The following AGBL1 variants were observed in gnomAD, a reference collection of about 807,000 sequenced individuals.
The protein encoded by AGBL1 is AGBL carboxypeptidase 1.
AGBL1 carries 130 observed loss-of-function variants against 118.9 expected under a neutral mutation model. That is an observed-to-expected ratio of 1.09 (90% CI 0.95 to 1.26). The LOEUF (loss-of-function observed/expected upper bound fraction) is 1.26. Among genes scored for constraint, AGBL1 ranks in the 50% most tolerant of loss-of-function variants. The pLI is 0.00. For missense variants in AGBL1, 1,584 were observed against 1,298.1 expected, an observed-to-expected ratio of 1.22 and a Z score of -3.38; for synonymous variants, 555 against 478.9, an observed-to-expected ratio of 1.16 and a Z score of -2.08.
intron 21 of AGBL1, among the ~76,000 whole-genome samples, chr15:86,632,126 G>C (rs1222031510): frequency 6.6e-6 from 1 of 151,700 alleles, no homozygotes; most frequent in African/African-American, 2.4e-5. Context: ...AAGTTAACCA[G>C]GTGTGGTGGC....
chr15:86,221,758 T>G (rs1392073732), intron 5 of AGBL1, among the ~76,000 whole-genome samples: 1 of 152,192 alleles, frequency 6.6e-6, no homozygotes, highest in Non-Finnish European at 1.5e-5. Context: ...CAAACTTTTT[T>G]TTTTTTAAGG....
At chr15:86,587,001 A>G (rs1371171888) in intron 21 of AGBL1, among the ~76,000 whole-genome samples, 1 of 152,170 alleles carries the variant, frequency 6.6e-6, no homozygotes, top group Non-Finnish European at 1.5e-5. Flanking sequence ...AGAAAGGCAT[A>G]TGAGGAAGTA....
At chr15:86,250,383 G>A (rs1391962687) in intron 7 of AGBL1, among the ~76,000 whole-genome samples, 4 of 151,432 alleles carry the variant, frequency 2.6e-5, no homozygotes, top group African/African-American at 4.8e-5. Context: ...AAAATTAGCC[G>A]GGCGTGGTAG....
chr15:86,625,576 G>A (rs1341849096), intron 21 of AGBL1, among the ~76,000 whole-genome samples: 1 of 151,722 alleles, frequency 6.6e-6, no homozygotes, highest in Non-Finnish European at 1.5e-5. Flanking sequence ...GACATGATGA[G>A]ATGAAAGACA....
intron 17 of AGBL1, among the ~76,000 whole-genome samples, chr15:86,307,593 G>A (rs978314480): frequency 6.6e-6 from 1 of 152,172 alleles, no homozygotes; most frequent in South Asian, 2.1e-4. Flanking sequence ...AATATGGAGT[G>A]AGAAATCAGA....
chr15:86,773,134 TTGAG>T (rs2141291975), intron 22 of AGBL1, among the ~76,000 whole-genome samples: 1 of 152,100 alleles, frequency 6.6e-6, no homozygotes, highest in Admixed American at 6.6e-5. Flanking sequence ...ACCAACATTA[TTGAG>T]TATATACATT....
In AGBL1 at chr15:86,967,110, T is replaced by G. The variant is rs555243631; in HGVS notation, c.3222-20877T>G. Among the ~76,000 whole-genome samples the G allele has an allele frequency of 4.6e-5, 7 of 152,316 alleles. No homozygotes were observed. The South Asian group carries it at 1.2e-3, about 27-fold the overall frequency. On this transcript the variant is annotated intron_variant, in intron 23 of 24. Transcript: ENST00000441037. ...AACATTTTTTCATGTGTCTTTTGGC[T>G]GCATAAATGTCTTCTTTTGAGAAGC...
chr15:86,266,457 G>A lies in AGBL1; in HGVS notation c.1751G>A (p.Trp584Ter). ...NKVVFSLDEP[W>*]PLQDNASNCL... is the part of the protein sequence containing the mutation. ...GTTGTCTTCAGTTTAGATGAGCCTT[G>A]GTAGGTAGTCTCGTGCATCTGAGGA... The change falls in exon 12 of 23, where the codon TGG becomes TAG. Residue 584 changes from tryptophan (W) to a stop codon, truncating the protein, a stop_gained and splice_region_variant. Transcript: ENST00000614907. LOFTEE classifies it high-confidence loss of function. The A allele has an allele frequency of 6.4e-7, 1 of 1,560,282 alleles. No individual in the cohort carries two copies. Among genetic ancestry groups the A allele is most frequent in the Non-Finnish European group, 8.7e-7 (1 of 1,149,568 alleles).
intron 22 of AGBL1, among the ~76,000 whole-genome samples, chr15:86,900,428 A>C (rs1227293426): frequency 1.3e-5 from 2 of 152,168 alleles, no homozygotes. Flanking sequence ...TAATTTTCAG[A>C]AAACTCCTCA....
intron 1 of AGBL1, among the ~76,000 whole-genome samples, chr15:86,131,800 A>T (rs928958981): frequency 5.3e-5 from 8 of 151,926 alleles, no homozygotes; most frequent in Non-Finnish European, 1.2e-4. Flanking sequence ...AAATACAAAA[A>T]TGAGCAAGGT....
intron 22 of AGBL1, among the ~76,000 whole-genome samples, chr15:86,745,920 G>A (rs1039277073): frequency 5.9e-5 from 9 of 152,062 alleles, no homozygotes; most frequent in African/African-American, 2.2e-4. Context: ...GGGCACCAGA[G>A]CACATCTGGT....
chr15:86,931,721 A>G (rs2080608324), intron 23 of AGBL1, among the ~76,000 whole-genome samples: 1 of 152,134 alleles, frequency 6.6e-6, no homozygotes, highest in African/African-American at 2.4e-5. Context: ...GACCTTGGGT[A>G]GAAATACTCT....
intron 23 of AGBL1, among the ~76,000 whole-genome samples, chr15:86,945,693 T>C (rs1410957084): frequency 6.6e-6 from 1 of 152,072 alleles, no homozygotes; most frequent in Non-Finnish European, 1.5e-5. Flanking sequence ...AGTAAAAAAC[T>C]GTTACAACTT....
intron 1 of AGBL1, among the ~76,000 whole-genome samples, chr15:86,113,210 T>C (rs1450870696): frequency 7.4e-6 from 1 of 135,810 alleles, no homozygotes; most frequent in Non-Finnish European, 1.6e-5. Flanking sequence ...TTTTTCTTTT[T>C]CTTTTTCTTT....
At chr15:86,749,178 T>G (rs1201310830) in intron 22 of AGBL1, among the ~76,000 whole-genome samples, 1 of 152,296 alleles carries the variant, frequency 6.6e-6, no homozygotes, top group South Asian at 2.1e-4. Flanking sequence ...TGTCCTCTTT[T>G]ATTTCGTTGA....
At chr15:86,752,960 A>T (rs775116746) in intron 22 of AGBL1, among the ~76,000 whole-genome samples, 27 of 152,054 alleles carry the variant, frequency 1.8e-4, no homozygotes, top group Non-Finnish European at 3.4e-4. Flanking sequence ...ATAACCAGTC[A>T]ATTTATCTTT....
intron 18 of AGBL1, among the ~76,000 whole-genome samples, chr15:86,519,085 TA>T (rs2083155766): frequency 6.6e-6 from 1 of 152,022 alleles, no homozygotes; most frequent in Admixed American, 6.6e-5. Flanking sequence ...AAGGGAAAAA[TA>T]ACATCATCCT....
intron 18 of AGBL1, among the ~76,000 whole-genome samples, chr15:86,507,569 T>C (rs1233140031): frequency 1.3e-5 from 2 of 152,036 alleles, no homozygotes; most frequent in East Asian, 3.9e-4. Context: ...TAGTGTTAAT[T>C]GTAGTGAATA....
chr15:87,010,020 G>A (rs2081542280), intron 24 of AGBL1, among the ~76,000 whole-genome samples: 1 of 152,164 alleles, frequency 6.6e-6, no homozygotes, highest in African/African-American at 2.4e-5. Flanking sequence ...AATGAGTTAA[G>A]ATTTTGGGGG....
Sources: allele counts gnomAD v4.1 joint callset (sites outside exome capture counted in the v4.1 genomes callset), GRCh38; gene constraint gnomAD v4.1.1; transcripts MANE v1.5; gene names NCBI Gene and HGNC (gene_info 2026-07-23, HGNC 2026-07-21).